Variants in MAP1B observed in about 807,000 individuals in gnomAD.
MAP1B encodes the protein microtubule associated protein 1B, also known as microtubule-associated protein 1B.
MAP1B carries 12 observed loss-of-function variants against 176.1 expected under a neutral mutation model. The observed-to-expected ratio is 0.07, with a 90% CI of 0.04 to 0.11. MAP1B has a LOEUF of 0.11. MAP1B is among the 10% of genes least tolerant of loss of function. The pLI, the probability that MAP1B is intolerant of heterozygous loss-of-function variation, is 1.00. For synonymous variants in MAP1B, 1,044 were observed against 1,135.0 expected (o/e 0.92, Z 1.61); for missense variants, 2,523 against 2,990.5 (o/e 0.84, Z 3.65).
At chr5:72,193,345 T>C in intron 4 of MAP1B, 3 of 255,302 alleles carry the variant, frequency 1.2e-5, no homozygotes, top group South Asian at 3.9e-5. Flanking sequence ...ATCAGGCCTT[T>C]TTTTTTTTTT....
At chr5:72,176,916 A>G (rs1243972698) in intron 2 of MAP1B, among the ~76,000 whole-genome samples, 1 of 152,178 alleles carries the variant, frequency 6.6e-6, no homozygotes, top group African/African-American at 2.4e-5. Context: ...AGTTAATTTG[A>G]TGCAGAGGAC....
At chr5:72,182,170 A>G (rs1241535011) in intron 2 of MAP1B, among the ~76,000 whole-genome samples, 1 of 151,420 alleles carries the variant, frequency 6.6e-6, no homozygotes, top group Admixed American at 6.6e-5. Context: ...GGCCTTCATC[A>G]CCTCTATTTT....
Position 72,195,252 on chromosome 5 carries a change from G to T in MAP1B, c.1897G>T (p.Ala633Ser), listed in dbSNP as rs774494234. The T allele has an allele frequency of 1.9e-6, 3 of 1,613,630 alleles. No individual in the cohort carries two copies. The highest frequency in any genetic ancestry group is 2.5e-6 in the Non-Finnish European group (3 of 1,180,010). ...KQATDVKPKAAKEKTVKKETK... is the reference protein window; with the variant it reads ...KQATDVKPKASKEKTVKKETK... Reference sequence around the variant, plus strand: ...AGCCACAGATGTCAAACCCAAAGCTGCCAAGGAGAAGACGGTGAAAAAGGA... The same window carrying T: ...AGCCACAGATGTCAAACCCAAAGCTTCCAAGGAGAAGACGGTGAAAAAGGA... The change falls in exon 5 of 7, where the codon GCC (alanine) becomes TCC (serine). Residue 633 changes from alanine to serine, a missense_variant. Coordinates refer to ENST00000296755, the MANE Select transcript of MAP1B (RefSeq NM_005909.5).
chr5:72,147,264 T>C (rs1377242221), intron 2 of MAP1B, among the ~76,000 whole-genome samples: 9 of 152,044 alleles, frequency 5.9e-5, no homozygotes, highest in Non-Finnish European at 7.4e-5. Context: ...CCACTGTTTC[T>C]GGCCCAAAAT....
chr5:72,148,326 C>G (rs1016566185), intron 2 of MAP1B, among the ~76,000 whole-genome samples: 7 of 152,194 alleles, frequency 4.6e-5, no homozygotes, highest in African/African-American at 1.2e-4. Flanking sequence ...CTCAGCCCCT[C>G]TGTTCATGGA....
Position 72,195,588 on chromosome 5 carries a change from C to A in MAP1B, c.2233C>A (p.Pro745Thr). The A allele has an allele frequency of 6.2e-7, 1 of 1,614,176 alleles. No homozygotes were observed. The highest frequency in any genetic ancestry group is 8.5e-7 in the Non-Finnish European group (1 of 1,180,044). The change falls in exon 5 of 7, where the codon CCT becomes ACT. Residue 745 changes from proline to threonine, a missense_variant. By Grantham distance (38) the Pro-to-Thr change is conservative. Coordinates refer to ENST00000296755, the MANE Select transcript of MAP1B (RefSeq NM_005909.5). ...TAAAGACGCAAAGAAATCATCTACT[C>A]CTCTGTCTGAAGCAAAAAAACCAGC... The part of the protein sequence containing the change: ...LPKDAKKSST[P>T]LSEAKKPAAL...
At position 72,196,242 on chromosome 5, in the gene MAP1B, T is replaced by C; in HGVS notation, c.2887T>C (p.Cys963Arg). 6.2e-7 allele frequency: 1 copy of C among 1,613,570 alleles called. No individual in the cohort carries two copies. Among genetic ancestry groups the C allele is most frequent in the African/African-American group, 1.3e-5 (1 of 74,912 alleles). The change falls in exon 5 of 7, where the codon TGT (cysteine) becomes CGT (arginine). Residue 963 changes from cysteine to arginine, a missense_variant. Cys to Arg is a radical substitution (Grantham distance 180). This residue lies in a region of MAP1B where 1,925 missense variants were observed against 2,126.0 expected (regional missense o/e 0.91). Transcript: ENST00000296755. The surrounding 1 kb of genome is among the most constrained non-coding windows in gnomAD (Gnocchi z 5.3). Reference sequence around the variant, plus strand: ...AGAAGAGGATGGGGAGGAACACGTATGTGTGAGCGCCTCCAAGCACAGCCC... The same window carrying C: ...AGAAGAGGATGGGGAGGAACACGTACGTGTGAGCGCCTCCAAGCACAGCCC... Reference protein sequence around the residue: ...EPEEDGEEHVCVSASKHSPTE... With the variant: ...EPEEDGEEHVRVSASKHSPTE...
At chr5:72,163,935 T>TC (rs1746377373) in intron 2 of MAP1B, among the ~76,000 whole-genome samples, 2 of 128,702 alleles carry the variant, frequency 1.6e-5, no homozygotes, top group African/African-American at 6.1e-5. Flanking sequence ...TTTTTCTTTT[T>TC]TTTTTTTTTT....
intron 1 of MAP1B, 75 bp downstream of exon 1, chr5:72,107,790 A>T: frequency 1.3e-6 from 2 of 1,496,574 alleles, no homozygotes; most frequent in Middle Eastern, 2.2e-4. Flanking sequence ...CGCGACGGTC[A>T]CTGCGCTCCT....
intron 2 of MAP1B, among the ~76,000 whole-genome samples, chr5:72,182,874 G>T (rs967027687): frequency 2.2e-4 from 34 of 152,238 alleles, no homozygotes; most frequent in African/African-American, 8.2e-4. Context: ...ATCACCAACT[G>T]GGCCACACAT....
chr5:72,151,302 G>T (rs989994911), intron 2 of MAP1B, among the ~76,000 whole-genome samples: 8 of 152,098 alleles, frequency 5.3e-5, no homozygotes, highest in Non-Finnish European at 1.0e-4. Flanking sequence ...ATTCATGAGG[G>T]ATCTGCCCCC....
At chr5:72,175,037 TTCCC>T (rs1206675262) in intron 2 of MAP1B, among the ~76,000 whole-genome samples, 1 of 105,922 alleles carries the variant, frequency 9.4e-6, no homozygotes, top group East Asian at 3.2e-4. Context: ...CCTCCCTCCC[TTCCC>T]TCCCTCCCTC....
At chr5:72,149,175 T>C (rs1235955327) in intron 2 of MAP1B, among the ~76,000 whole-genome samples, 1 of 152,244 alleles carries the variant, frequency 6.6e-6, no homozygotes, top group Non-Finnish European at 1.5e-5. Flanking sequence ...TGTAAATCCC[T>C]GCACAGTTTT....
intron 2 of MAP1B, among the ~76,000 whole-genome samples, chr5:72,122,260 G>A (rs187078624): frequency 1.1e-4 from 17 of 152,062 alleles, no homozygotes; most frequent in Middle Eastern, 3.4e-3. Flanking sequence ...CAGAGTGATC[G>A]GCAGCTCCTC....
In MAP1B at chr5:72,183,943, G is replaced by C. The variant is rs551580198; in HGVS notation, c.369+118G>C. On this transcript the variant is annotated intron_variant, in intron 3 of 6. Transcript: ENST00000296755. Reference sequence around the variant, plus strand: ...GAGGGACACAACAGAGAGAAGTTCTGGGTTAAGAGGTCTTTCTCAACCCCC... The same window carrying C: ...GAGGGACACAACAGAGAGAAGTTCTCGGTTAAGAGGTCTTTCTCAACCCCC... 1.5e-4 allele frequency: 121 copies of C among 823,210 alleles called. No homozygotes were observed. In the African/African-American group the frequency reaches 1.8e-3, roughly 13 times the overall value. The allele number at this position is 823,210 out of a possible 1,614,324, so 51.0% of individuals were successfully genotyped here. A position where few individuals can be genotyped will look rare whatever the true frequency, so the allele number is the denominator to read the frequency against.
At chr5:72,131,728 A>G (rs544785087) in intron 2 of MAP1B, among the ~76,000 whole-genome samples, 1 of 152,350 alleles carries the variant, frequency 6.6e-6, no homozygotes, top group Admixed American at 6.5e-5. Flanking sequence ...CAGAGTGCCT[A>G]TAGAATCATA....
intron 2 of MAP1B, chr5:72,116,051 C>A: frequency 2.7e-6 from 1 of 372,286 alleles, no homozygotes; most frequent in East Asian, 5.7e-5. Flanking sequence ...TATATATACA[C>A]ACACACACAT....
chr5:72,203,609 C>T lies in MAP1B; in HGVS notation c.7059C>T (p.Gly2353=). 6.2e-7 allele frequency: 1 copy of T among 1,614,158 alleles called. No individual in the cohort carries two copies. Among genetic ancestry groups the T allele is most frequent in the South Asian group, 1.1e-5 (1 of 91,074 alleles). Reference sequence around the variant, plus strand: ...CCAAGTCATCTGCTGTGCCCCCAGGCCTCCCTGTGTATTTGGACCTGTGCT... The same window carrying T: ...CCAAGTCATCTGCTGTGCCCCCAGGTCTCCCTGTGTATTTGGACCTGTGCT... ...KTTKSSAVPP[G]LPVYLDLCYI... The change falls in exon 6 of 7, where the codon GGC becomes GGT. Residue 2353 remains glycine, a synonymous_variant. Coordinates refer to ENST00000296755, the MANE Select transcript of MAP1B (RefSeq NM_005909.5).
chr5:72,200,778 TCA>T (rs1157536967), intron 5 of MAP1B, among the ~76,000 whole-genome samples: 1 of 152,150 alleles, frequency 6.6e-6, no homozygotes, highest in Non-Finnish European at 1.5e-5. Context: ...ACCAGAGGTT[TCA>T]CATCAAGACT....
Sources: allele counts gnomAD v4.1 joint callset (sites outside exome capture counted in the v4.1 genomes callset), GRCh38; gene constraint gnomAD v4.1.1; regional missense constraint gnomAD v4.1.1; non-coding constraint Gnocchi (gnomAD v3.1); transcripts MANE v1.5; gene names NCBI Gene and HGNC (gene_info 2026-07-23, HGNC 2026-07-21).